ARB2A: variants seen among roughly 807,000 people sequenced by gnomAD.
The protein encoded by ARB2A is ARB2 cotranscriptional regulator A.
the ARB2A span, among the ~76,000 whole-genome samples, chr5:93,706,892 T>C: frequency 6.6e-6 from 1 of 151,854 alleles, no homozygotes; most frequent in South Asian, 2.1e-4. Flanking sequence ...GCCAGGATTC[T>C]TTTTCACTTT....
At chr5:93,664,965 T>TAC in the ARB2A span, among the ~76,000 whole-genome samples, 1 of 152,110 alleles carries the variant, frequency 6.6e-6, no homozygotes, top group Non-Finnish European at 1.5e-5. Context: ...TAGCTGGGAC[T>TAC]ACAGGCATGC....
the ARB2A span, among the ~76,000 whole-genome samples, chr5:93,800,031 C>A: frequency 1.3e-5 from 2 of 151,874 alleles, no homozygotes; most frequent in Non-Finnish European, 2.9e-5. Context: ...TTGAAAAATG[C>A]GAACAGAAAA....
At chr5:93,864,810 A>T in the ARB2A span, among the ~76,000 whole-genome samples, 1 of 152,168 alleles carries the variant, frequency 6.6e-6, no homozygotes, top group African/African-American at 2.4e-5. Flanking sequence ...AAATCCTATA[A>T]CATATGAATG....
chr5:93,686,839 T>C, the ARB2A span, among the ~76,000 whole-genome samples: 8 of 151,600 alleles, frequency 5.3e-5, no homozygotes, highest in Non-Finnish European at 1.0e-4. Flanking sequence ...CCAAATGTTA[T>C]CATTTAAAAG....
chr5:93,787,862 C>T, the ARB2A span, among the ~76,000 whole-genome samples: 14 of 152,210 alleles, frequency 9.2e-5, no homozygotes, highest in East Asian at 9.6e-4. Context: ...GACAATAGCA[C>T]TTTAAAATTA....
the ARB2A span, among the ~76,000 whole-genome samples, chr5:94,064,687 T>C: frequency 6.6e-6 from 1 of 152,154 alleles, no homozygotes; most frequent in African/African-American, 2.4e-5. Flanking sequence ...GATAACATAT[T>C]CAAAGTGCCG....
At chr5:93,675,131 T>A in the ARB2A span, among the ~76,000 whole-genome samples, 1 of 152,174 alleles carries the variant, frequency 6.6e-6, no homozygotes, top group Non-Finnish European at 1.5e-5. Flanking sequence ...CCAGAAGTCA[T>A]ATGCCCCACC....
chr5:93,688,937 A>T, the ARB2A span, among the ~76,000 whole-genome samples: 812 of 152,166 alleles, frequency 5.3e-3, 6 homozygotes, highest in African/African-American at 0.018. Context: ...TAGTCCTGTA[A>T]CTCTCTTAAT....
the ARB2A span, among the ~76,000 whole-genome samples, chr5:93,855,528 T>C: frequency 2.5e-4 from 38 of 152,170 alleles, no homozygotes; most frequent in Non-Finnish European, 4.4e-4. Context: ...TTTTGCTCGT[T>C]AGTTGATGCA....
the ARB2A span, among the ~76,000 whole-genome samples, chr5:94,007,571 G>A: frequency 6.6e-6 from 1 of 152,040 alleles, no homozygotes; most frequent in Admixed American, 6.5e-5. Context: ...TCAGGAGTTC[G>A]AGACCAGCCT....
chr5:93,969,140 G>A, the ARB2A span, among the ~76,000 whole-genome samples: 2 of 149,894 alleles, frequency 1.3e-5, no homozygotes, highest in Non-Finnish European at 1.5e-5. Flanking sequence ...AGGAGAGTCA[G>A]ACAAGAAAGA....
At chr5:93,765,665 T>C in the ARB2A span, among the ~76,000 whole-genome samples, 1 of 152,096 alleles carries the variant, frequency 6.6e-6, no homozygotes, top group Non-Finnish European at 1.5e-5. Context: ...AAGCTACCAA[T>C]GACTAGAATT....
chr5:93,740,722 G>T, the ARB2A span: 1 of 1,613,074 alleles, frequency 6.2e-7, no homozygotes, highest in Non-Finnish European at 8.5e-7. Context: ...AGGAGGCCCG[G>T]CTGTCCCCAC....
the ARB2A span, among the ~76,000 whole-genome samples, chr5:93,858,186 G>A: frequency 3.9e-5 from 6 of 152,300 alleles, no homozygotes; most frequent in Non-Finnish European, 7.4e-5. Context: ...GTGAAAAGTT[G>A]TGTACCAGGG....
chr5:93,902,113 T>C, the ARB2A span, among the ~76,000 whole-genome samples: 2 of 152,136 alleles, frequency 1.3e-5, no homozygotes, highest in African/African-American at 2.4e-5. Flanking sequence ...ATTATCATAC[T>C]ATAATAATAT....
At chr5:93,767,990 T>A in the ARB2A span, among the ~76,000 whole-genome samples, 8 of 62,638 alleles carry the variant, frequency 1.3e-4, no homozygotes, top group Admixed American at 2.2e-3. Context: ...CTAGACTCCA[T>A]CTCAAAAAAA....
the ARB2A span, among the ~76,000 whole-genome samples, chr5:93,914,851 G>A: frequency 1.3e-5 from 2 of 151,914 alleles, no homozygotes; most frequent in African/African-American, 2.4e-5. Context: ...TTCCTACAAC[G>A]TGTTACCCTC....
the ARB2A span, among the ~76,000 whole-genome samples, chr5:94,084,874 A>G: frequency 6.6e-6 from 1 of 152,202 alleles, no homozygotes; most frequent in African/African-American, 2.4e-5. Context: ...TCAATTTCAA[A>G]TGGTTTAAGG....
At chr5:93,818,983 C>T in the ARB2A span, among the ~76,000 whole-genome samples, 3 of 151,616 alleles carry the variant, frequency 2.0e-5, no homozygotes, top group Non-Finnish European at 2.9e-5. Context: ...GTCAGGAGAT[C>T]GAGACCATCC....
Sources: gnomAD v4.1 joint callset for allele counts (sites outside exome capture counted in the v4.1 genomes callset) on GRCh38, gnomAD v4.1.1 for gene constraint, MANE v1.5 for transcripts, NCBI Gene and HGNC (gene_info 2026-07-23, HGNC 2026-07-21) for gene names.